Variants in NAPG observed in about 807,000 individuals in gnomAD.
The protein encoded by NAPG is NSF attachment protein gamma, also known as gamma-soluble NSF attachment protein.
NAPG carries 25 observed loss-of-function variants against 48.4 expected under a neutral mutation model. That is an observed-to-expected ratio of 0.52 (90% CI 0.38 to 0.72). The LOEUF (loss-of-function observed/expected upper bound fraction) is 0.72. Ranked by LOEUF, NAPG falls within the 30% of genes least tolerant of loss-of-function variation. The probability of loss-of-function intolerance (pLI) is 0.00; values close to 1 mark genes in which losing one functional copy is unlikely to be tolerated. For missense variants in NAPG, 359 were observed against 372.5 expected (o/e 0.96, Z 0.30); for synonymous variants, 139 against 127.2 (o/e 1.09, Z -0.62).
intron 2 of NAPG, among the ~76,000 whole-genome samples, chr18:10,532,249 T>C (rs1199500149): frequency 6.6e-6 from 1 of 152,214 alleles, no homozygotes; most frequent in Non-Finnish European, 1.5e-5. Context: ...CATTTAAAGA[T>C]TGTGCCAAAA....
intron 5 of NAPG, among the ~76,000 whole-genome samples, chr18:10,535,833 A>G (rs1488933501): frequency 1.3e-5 from 2 of 152,254 alleles, no homozygotes; most frequent in Non-Finnish European, 2.9e-5. Context: ...TTATATATCC[A>G]TTGAAATAAA....
In NAPG at chr18:10,544,365, G is replaced by A. The variant is rs931651627; in HGVS notation, c.507-1961G>A. On this transcript the variant is annotated intron_variant, in intron 8 of 11. Coordinates refer to ENST00000322897, the MANE Select transcript of NAPG (RefSeq NM_003826.3). The surrounding 1 kb of genome is among the most constrained non-coding windows in gnomAD (Gnocchi z 5.1). Reference sequence around the variant, plus strand: ...CTCACCAGGCCGAAATGAAGGTGTCGGAGGGGGCTGATCTCACCGGAGGCT... The same window carrying A: ...CTCACCAGGCCGAAATGAAGGTGTCAGAGGGGGCTGATCTCACCGGAGGCT... Among the ~76,000 whole-genome samples, 7 of 152,184 alleles carry A rather than the reference G, an allele frequency of 4.6e-5. No individual in the cohort carries two copies. The highest frequency in any genetic ancestry group is 1.9e-4 in the East Asian group (1 of 5,200).
At chr18:10,533,403 A>G (rs1023015114) in intron 3 of NAPG, 133 bp from the exon 4 acceptor site, 5 of 642,142 alleles carry the variant, frequency 7.8e-6, no homozygotes, top group African/African-American at 3.8e-5. Flanking sequence ...CTTCTTTTTT[A>G]CCTGTTTGTA....
intron 1 of NAPG, 80 bp downstream of exon 1, chr18:10,526,238 G>GGCCTTTCCCC: frequency 3.5e-6 from 3 of 858,056 alleles, no homozygotes; most frequent in Non-Finnish European, 5.7e-6. Context: ...CCCGGGGGGG[G>GGCCTTTCCCC]CGGGAGGGAG....
chr18:10,551,486 T>C lies in NAPG; in HGVS notation c.*1266T>C, dbSNP rs1437036738. The C allele has an allele frequency of 1.3e-5, 2 of 152,242 alleles. No homozygotes were observed. The highest frequency in any genetic ancestry group is 2.4e-5 in the African/African-American group (1 of 41,464). The allele number at this position is 152,242 out of a possible 1,614,324, so 9.4% of individuals were successfully genotyped here. A position where few individuals can be genotyped will look rare whatever the true frequency, so the allele number is the denominator to read the frequency against. On this transcript the variant is annotated 3_prime_UTR_variant, in exon 12 of 12. Coordinates refer to ENST00000322897, the MANE Select transcript of NAPG (RefSeq NM_003826.3). ...GATCCTTTATAGTTATTTCCTAAAATGCTGTTTTCGAAACATTCCTTTTTC... is the reference window on the plus strand; with the variant it reads ...GATCCTTTATAGTTATTTCCTAAAACGCTGTTTTCGAAACATTCCTTTTTC...
Position 10,548,453 on chromosome 18 carries a change from C to T in NAPG, c.665+75C>T, listed in dbSNP as rs2032314417. The T allele has an allele frequency of 1.7e-6, 2 of 1,164,058 alleles. No homozygotes were observed. Among genetic ancestry groups the T allele is most frequent in the Admixed American group, 1.8e-5 (1 of 54,648 alleles). The allele number at this position is 1,164,058 out of a possible 1,614,324, so 72.1% of individuals were successfully genotyped here. On this transcript the variant is annotated intron_variant, in intron 10 of 11. Coordinates refer to ENST00000322897, the MANE Select transcript of NAPG (RefSeq NM_003826.3). The surrounding 1 kb of genome is among the most constrained non-coding windows in gnomAD (Gnocchi z 4.4). ...TCTACAACTAAGATTGCTGCTAGGACACATGTTCCTGGCCATGAAACTGTC... is the reference window on the plus strand; with the variant it reads ...TCTACAACTAAGATTGCTGCTAGGATACATGTTCCTGGCCATGAAACTGTC...
rs189058112 is a variant in NAPG at position 10,543,939 on chromosome 18, A to C, written c.507-2387A>C. ...CATGTAAGGGCTTGGCTCTTTTGTT[A>C]GGTAACTATATATTAGCACATAGAA... On this transcript the variant is annotated intron_variant, in intron 8 of 11. Transcript: ENST00000322897. This position sits in a 1 kb window ranked among gnomAD's most constrained non-coding sequence, Gnocchi z 4.4. Among the ~76,000 whole-genome samples the C allele has an allele frequency of 2.0e-3, 312 of 152,328 alleles. No homozygotes were observed. The highest frequency in any genetic ancestry group is 7.1e-3 in the African/African-American group (296 of 41,574).
Position 10,539,599 on chromosome 18 carries a change from T to C in NAPG, c.259-163T>C. 1.6e-6 allele frequency: 1 copy of C among 621,158 alleles called. No homozygotes were observed. Among genetic ancestry groups the C allele is most frequent in the Non-Finnish European group, 2.8e-6 (1 of 351,870 alleles). 38.5% of individuals were successfully genotyped at this position (621,158 alleles called of 1,614,324 possible). A position where few individuals can be genotyped will look rare whatever the true frequency, so the allele number is the denominator to read the frequency against. The stretch of plus-strand genomic sequence containing the variant: ...AACCTAGATGATGGGTTGATAGGTA[T>C]AGCAAACCACCATGGGACATGTATA... On this transcript the variant is annotated intron_variant, in intron 5 of 11. Transcript: ENST00000322897. The surrounding 1 kb of genome is among the most constrained non-coding windows in gnomAD (Gnocchi z 4.7).
At chr18:10,540,421 CTG>C in intron 8 of NAPG, 22 bp downstream of exon 8, 1 of 1,594,136 alleles carries the variant, frequency 6.3e-7, no homozygotes, top group Non-Finnish European at 8.6e-7. Context: ...AAAACTATTG[CTG>C]TGTGTTTAAC....
chr18:10,542,709 C>T lies in NAPG; in HGVS notation c.506+2310C>T, dbSNP rs898669497. 2.0e-5 allele frequency among the ~76,000 whole-genome samples: 3 copies of T among 152,210 alleles called. No homozygotes were observed. Among genetic ancestry groups the T allele is most frequent in the African/African-American group, 4.8e-5 (2 of 41,550 alleles). On this transcript the variant is annotated intron_variant, in intron 8 of 11. Coordinates refer to ENST00000322897, the MANE Select transcript of NAPG (RefSeq NM_003826.3). This position sits in a 1 kb window ranked among gnomAD's most constrained non-coding sequence, Gnocchi z 4.5. ...CTTATGTTTTTACATTAACATGAGT[C>T]CATAAGATGTCCTAATTTAATACTT...
rs1490890115 is a variant in NAPG at position 10,546,641 on chromosome 18, A to G, written c.585+237A>G. On this transcript the variant is annotated intron_variant, in intron 9 of 11. Coordinates refer to ENST00000322897, the MANE Select transcript of NAPG (RefSeq NM_003826.3). This position sits in a 1 kb window ranked among gnomAD's most constrained non-coding sequence, Gnocchi z 4.0. ...ACCACCCTTGAACTCTGAAAAGTAAATAAAAAGAGACTAAGGAGAGGAGCA... is the reference window on the plus strand; with the variant it reads ...ACCACCCTTGAACTCTGAAAAGTAAGTAAAAAGAGACTAAGGAGAGGAGCA... Among the ~76,000 whole-genome samples, 2 of 152,222 alleles carry G rather than the reference A, an allele frequency of 1.3e-5. No individual in the cohort carries two copies. Among genetic ancestry groups the G allele is most frequent in the African/African-American group, 2.4e-5 (1 of 41,460 alleles).
chr18:10,527,107 G>A (rs1239994532), intron 1 of NAPG, among the ~76,000 whole-genome samples: 1 of 146,716 alleles, frequency 6.8e-6, no homozygotes, highest in Non-Finnish European at 1.5e-5. Flanking sequence ...AGAATGGCCT[G>A]AACCCGGAAG....
At position 10,552,629 on chromosome 18, in the gene NAPG, A is replaced by G. The variant is rs2032423170; in HGVS notation, c.*2409A>G. On this transcript the variant is annotated 3_prime_UTR_variant, in exon 12 of 12. Coordinates refer to ENST00000322897, the MANE Select transcript of NAPG (RefSeq NM_003826.3). The stretch of plus-strand genomic sequence containing the variant: ...TATTTGTACATATGCAGAGTACGGT[A>G]TTTCTGTATGGAATCTGCTTTATTC... The G allele has an allele frequency of 6.6e-6, 1 of 152,180 alleles. No homozygotes were observed. Among genetic ancestry groups the G allele is most frequent in the Non-Finnish European group, 1.5e-5 (1 of 68,030 alleles). 9.4% of individuals were successfully genotyped at this position (152,180 alleles called of 1,614,324 possible). A position where few individuals can be genotyped will look rare whatever the true frequency, so the allele number is the denominator to read the frequency against.
Position 10,544,409 on chromosome 18 carries a change from C to A in NAPG, c.507-1917C>A, listed in dbSNP as rs1036802340. Among the ~76,000 whole-genome samples, 1 of 152,148 alleles carries A rather than the reference C, an allele frequency of 6.6e-6. No homozygotes were observed. Among genetic ancestry groups the A allele is most frequent in the African/African-American group, 2.4e-5 (1 of 41,444 alleles). On this transcript the variant is annotated intron_variant, in intron 8 of 11. Transcript: ENST00000322897. The surrounding 1 kb of genome is among the most constrained non-coding windows in gnomAD (Gnocchi z 5.1). ...GGAGGCTTGGGTCCTTTTCCAAGCT[C>A]ATTGATTGTTGGCAGAATTGATTTC...
At chr18:10,545,391 A>G (rs1479115368) in intron 8 of NAPG, among the ~76,000 whole-genome samples, 1 of 152,266 alleles carries the variant, frequency 6.6e-6, no homozygotes, top group African/African-American at 2.4e-5. Context: ...TTGGTTTACA[A>G]TACCACTTAC....
intron 9 of NAPG, among the ~76,000 whole-genome samples, chr18:10,547,088 A>G (rs1385444526): frequency 6.6e-6 from 1 of 152,228 alleles, no homozygotes; most frequent in Non-Finnish European, 1.5e-5. Flanking sequence ...CTGTGCTGAG[A>G]CAGGCCTCAA....
In NAPG at chr18:10,534,631, C is replaced by T. The variant is rs1234577960; in HGVS notation, c.258+135C>T. 1.1e-5 allele frequency: 8 copies of T among 736,100 alleles called. No homozygotes were observed. Among genetic ancestry groups the T allele is most frequent in the African/African-American group, 1.8e-5 (1 of 57,130 alleles). 45.6% of individuals were successfully genotyped at this position (736,100 alleles called of 1,614,324 possible). On this transcript the variant is annotated intron_variant, in intron 5 of 11. Transcript: ENST00000322897. This position sits in a 1 kb window ranked among gnomAD's most constrained non-coding sequence, Gnocchi z 5.0. ...GTGCTAAGTTAAGATTTTCTGTCCA[C>T]GGTAACGTTAATTGGACCCATAGAA...
intron 8 of NAPG, 53 bp downstream of exon 8, chr18:10,540,452 T>A: frequency 6.7e-7 from 1 of 1,492,380 alleles, no homozygotes; most frequent in African/African-American, 1.4e-5. Flanking sequence ...GAATCCACAT[T>A]TGGAACTGGA....
intron 2 of NAPG, among the ~76,000 whole-genome samples, 191 bp from the exon 3 acceptor site, chr18:10,532,520 G>A (rs550357041): frequency 2.0e-4 from 30 of 152,216 alleles, no homozygotes; most frequent in African/African-American, 6.7e-4. Context: ...AAAAATACTC[G>A]TAAGTTACCA....
Sources: gnomAD v4.1 joint callset for allele counts (sites outside exome capture counted in the v4.1 genomes callset) on GRCh38, gnomAD v4.1.1 for gene constraint, Gnocchi (gnomAD v3.1) non-coding constraint, MANE v1.5 for transcripts, NCBI Gene and HGNC (gene_info 2026-07-23, HGNC 2026-07-21) for gene names.